Variants in RHBDD1 observed in about 807,000 individuals in gnomAD.
The protein encoded by RHBDD1 is rhomboid domain containing 1.
A neutral mutation model predicts 36.3 loss-of-function variants in RHBDD1; 38 were observed. The observed-to-expected ratio is 1.05, with a 90% CI of 0.81 to 1.37. The LOEUF (loss-of-function observed/expected upper bound fraction) is 1.37. Ranked by LOEUF, RHBDD1 falls within the 40% of genes most tolerant of loss-of-function variation. The probability of loss-of-function intolerance (pLI) is 0.00; values close to 1 mark genes in which losing one functional copy is unlikely to be tolerated. For synonymous variants in RHBDD1, 151 were observed against 136.5 expected (o/e 1.11, Z -0.74); for missense variants, 393 against 377.6 (o/e 1.04, Z -0.34).
intron 8 of RHBDD1, among the ~76,000 whole-genome samples, chr2:226,960,065 T>C (rs1952075155): frequency 3.3e-5 from 5 of 152,152 alleles, no homozygotes; most frequent in Non-Finnish European, 7.4e-5. Context: ...CCTTGTAATC[T>C]GCCCACCTTG....
At chr2:226,925,473 G>C (rs188083174) in intron 8 of RHBDD1, among the ~76,000 whole-genome samples, 3 of 151,956 alleles carry the variant, frequency 2.0e-5, no homozygotes, top group African/African-American at 7.2e-5. Flanking sequence ...ATGAAAAAAC[G>C]TAAGGCACAA....
intron 5 of RHBDD1, among the ~76,000 whole-genome samples, chr2:226,882,151 C>T (rs1177657998): frequency 1.3e-5 from 2 of 151,984 alleles, no homozygotes; most frequent in African/African-American, 2.4e-5. Context: ...TGATATGGGC[C>T]GGGCACAGTG....
chr2:226,959,438 C>T (rs1435131887), intron 8 of RHBDD1, among the ~76,000 whole-genome samples: 1 of 152,190 alleles, frequency 6.6e-6, no homozygotes, highest in East Asian at 1.9e-4. Context: ...TATCCCCTAC[C>T]AGCCACTGGT....
intron 4 of RHBDD1, 147 bp from the exon 5 acceptor site, chr2:226,867,039 C>T: frequency 1.4e-6 from 1 of 711,436 alleles, no homozygotes; most frequent in Non-Finnish European, 2.2e-6. Context: ...TTACCAAATG[C>T]AAGGTTGTAA....
rs115834832 is a variant in RHBDD1, at chr2:226,937,087, A to T, written c.856+22736A>T. Among the ~76,000 whole-genome samples the T allele has an allele frequency of 9.2e-3, 1,405 of 152,246 alleles. 38 individuals carry two copies. The highest frequency in any genetic ancestry group is 7.8e-3 in the Non-Finnish European group (528 of 67,988). On this transcript the variant is annotated intron_variant, in intron 8 of 8. Coordinates refer to ENST00000392062, the MANE Select transcript of RHBDD1 (RefSeq NM_001167608.3). Reference sequence around the variant, plus strand: ...TTATTCATATAATTTTTAGCCTCAGAAGTTTTTGATGTGTATATTCTGTAT... The same window carrying T: ...TTATTCATATAATTTTTAGCCTCAGTAGTTTTTGATGTGTATATTCTGTAT...
intron 8 of RHBDD1, among the ~76,000 whole-genome samples, chr2:226,989,626 G>A (rs1465586198): frequency 1.3e-5 from 2 of 152,126 alleles, no homozygotes; most frequent in Non-Finnish European, 2.9e-5. Context: ...TGGGAGGTGG[G>A]GGAATTCTAG....
chr2:226,921,447 A>G (rs768487488), intron 8 of RHBDD1, among the ~76,000 whole-genome samples: 28 of 151,780 alleles, frequency 1.8e-4, no homozygotes, highest in Non-Finnish European at 2.8e-4. Flanking sequence ...AAGTTTTTCT[A>G]CCTTTTAGAT....
At chr2:226,874,972 A>T (rs1005099587) in intron 5 of RHBDD1, among the ~76,000 whole-genome samples, 1 of 152,170 alleles carries the variant, frequency 6.6e-6, no homozygotes, top group East Asian at 1.9e-4. Context: ...TATCTATTGT[A>T]TGCTACTTCC....
chr2:226,921,415 A>G (rs1376522164), intron 8 of RHBDD1, among the ~76,000 whole-genome samples: 2 of 151,970 alleles, frequency 1.3e-5, no homozygotes, highest in Non-Finnish European at 2.9e-5. Context: ...CAGTGGTTTA[A>G]GATGAATCAT....
At chr2:226,958,504 G>A (rs956248554) in intron 8 of RHBDD1, among the ~76,000 whole-genome samples, 9 of 152,148 alleles carry the variant, frequency 5.9e-5, no homozygotes, top group Non-Finnish European at 1.2e-4. Context: ...ATCATAAAAA[G>A]CATTGAATTG....
chr2:226,983,545 C>T (rs903932207), intron 8 of RHBDD1, among the ~76,000 whole-genome samples: 23 of 152,296 alleles, frequency 1.5e-4, no homozygotes, highest in African/African-American at 5.5e-4. Flanking sequence ...AACTTGACCA[C>T]TCGGGGATGG....
At chr2:226,904,982 C>A (rs1380863297) in intron 5 of RHBDD1, among the ~76,000 whole-genome samples, 1 of 152,086 alleles carries the variant, frequency 6.6e-6, no homozygotes, top group Non-Finnish European at 1.5e-5. Context: ...CTCAACATAT[C>A]CTTGAGTGCC....
intron 8 of RHBDD1, among the ~76,000 whole-genome samples, chr2:226,970,070 C>T (rs979111226): frequency 6.8e-6 from 1 of 147,614 alleles, no homozygotes; most frequent in Non-Finnish European, 1.5e-5. Context: ...TCTCCCCCCG[C>T]ATTCCTTAAA....
intron 8 of RHBDD1, among the ~76,000 whole-genome samples, chr2:226,940,778 A>T (rs1424069001): frequency 6.6e-6 from 1 of 152,148 alleles, no homozygotes; most frequent in Non-Finnish European, 1.5e-5. Context: ...AAGAGGCTTA[A>T]TTCTCTGTCA....
In RHBDD1 at chr2:226,998,809, G is replaced by A. The variant is rs1015774249; in HGVS notation, c.*3287G>A. The A allele has an allele frequency of 6.6e-6, 1 of 152,156 alleles. No homozygotes were observed. The highest frequency in any genetic ancestry group is 1.5e-5 in the Non-Finnish European group (1 of 68,044). 9.4% of individuals were successfully genotyped at this position (152,156 alleles called of 1,614,324 possible). On this transcript the variant is annotated 3_prime_UTR_variant, in exon 9 of 9. Transcript: ENST00000392062. The stretch of plus-strand genomic sequence containing the variant: ...CAAAGGATAAAGGTCAAAGTCATTA[G>A]CCTCAACAGTGGGCTTCAACCAGCC...
intron 8 of RHBDD1, among the ~76,000 whole-genome samples, chr2:226,924,079 C>T (rs182620026): frequency 1.7e-3 from 255 of 152,212 alleles, no homozygotes; most frequent in African/African-American, 6.0e-3. Flanking sequence ...CAGAAGGAGT[C>T]TCTCCCCAAA....
chr2:226,971,499 G>A (rs1953491344), intron 8 of RHBDD1, among the ~76,000 whole-genome samples: 3 of 152,166 alleles, frequency 2.0e-5, no homozygotes, highest in Non-Finnish European at 4.4e-5. Flanking sequence ...TACAGCTAAG[G>A]CATGAGAAAG....
chr2:226,980,324 C>T (rs755804071), intron 8 of RHBDD1, among the ~76,000 whole-genome samples: 3 of 152,114 alleles, frequency 2.0e-5, no homozygotes, highest in Non-Finnish European at 2.9e-5. Flanking sequence ...CCCACCAGAG[C>T]GAGGTAGCAG....
At chr2:226,848,508 A>C (rs1482078532) in intron 3 of RHBDD1, among the ~76,000 whole-genome samples, 3 of 152,226 alleles carry the variant, frequency 2.0e-5, no homozygotes, top group Non-Finnish European at 4.4e-5. Context: ...TGTCACAATA[A>C]GAAAAAAGCT....
Sources: gnomAD v4.1 joint callset for allele counts (sites outside exome capture counted in the v4.1 genomes callset) on GRCh38, gnomAD v4.1.1 for gene constraint, MANE v1.5 for transcripts, NCBI Gene and HGNC (gene_info 2026-07-23, HGNC 2026-07-21) for gene names.